ACVR1: variants seen among roughly 807,000 people sequenced by gnomAD.
The protein encoded by ACVR1 is activin receptor type-1.
Under a neutral mutation model 57.1 loss-of-function variants are expected in ACVR1, and 38 were observed. That is an observed-to-expected ratio of 0.67 (90% CI 0.51 to 0.87). The LOEUF (loss-of-function observed/expected upper bound fraction) is 0.87. Among genes scored for constraint, ACVR1 ranks in the 40% least tolerant of loss-of-function variants. The pLI is 0.00. For missense variants in ACVR1, 463 were observed against 638.2 expected, an observed-to-expected ratio of 0.73 and a Z score of 2.96; for synonymous variants, 212 against 228.1, an observed-to-expected ratio of 0.93 and a Z score of 0.63.
At chr2:157,738,600 T>C in intron 9 of ACVR1, 30 bp from the exon 10 acceptor site, 2 of 1,613,908 alleles carry the variant, frequency 1.2e-6, no homozygotes, top group East Asian at 2.2e-5. Flanking sequence ...TTGTGTTCGG[T>C]TAGCAAGAGA....
At position 157,737,401 on chromosome 2, in the gene ACVR1, G is replaced by T; in HGVS notation, c.*130C>A. The T allele has an allele frequency of 8.0e-7, 1 of 1,249,788 alleles. No individual in the cohort carries two copies. Among genetic ancestry groups the T allele is most frequent in the Non-Finnish European group, 1.1e-6 (1 of 881,960 alleles). The allele number at this position is 1,249,788 out of a possible 1,614,324, so 77.4% of individuals were successfully genotyped here. Reference sequence around the variant, plus strand: ...CAACACATGGCTGGGTACGACGTCTGCCTTGTCAAAGCAGCCATTTGGGGA... The same window carrying T: ...CAACACATGGCTGGGTACGACGTCTTCCTTGTCAAAGCAGCCATTTGGGGA... On this transcript the variant is annotated 3_prime_UTR_variant, in exon 11 of 11. Coordinates refer to ENST00000434821, the MANE Select transcript of ACVR1 (RefSeq NM_001111067.4).
chr2:157,828,291 A>G (rs1688460204), intron 1 of ACVR1, among the ~76,000 whole-genome samples: 1 of 152,058 alleles, frequency 6.6e-6, no homozygotes, highest in Admixed American at 6.6e-5. Context: ...CTACAAAAAT[A>G]CAAAAAAAAT....
chr2:157,832,331 T>TAC (rs1196990436), intron 1 of ACVR1, among the ~76,000 whole-genome samples: 1 of 152,138 alleles, frequency 6.6e-6, no homozygotes, highest in Non-Finnish European at 1.5e-5. Flanking sequence ...AAACAGCCTC[T>TAC]ACCAAAGGAC....
rs1686221603 is a variant in ACVR1 at position 157,774,911 on chromosome 2, T to C, written c.544-724A>G. 4.6e-5 allele frequency among the ~76,000 whole-genome samples: 7 copies of C among 152,138 alleles called. No homozygotes were observed. The South Asian group carries it at 1.4e-3, about 32-fold the overall frequency. On this transcript the variant is annotated intron_variant, in intron 5 of 10. Transcript: ENST00000434821. ...AAGGGTGGGGGGGGTCCTTTCAACT[T>C]CAAGAACTGGGTATAATTTACATAT... is the stretch of plus-strand genomic sequence containing the variant.
intron 1 of ACVR1, among the ~76,000 whole-genome samples, chr2:157,851,957 G>A (rs947039716): frequency 2.6e-4 from 33 of 126,096 alleles, no homozygotes; most frequent in African/African-American, 9.5e-4. Flanking sequence ...AGGCACTTCC[G>A]AAACATGTAA....
At chr2:157,782,533 T>C (rs1271150491) in intron 3 of ACVR1, among the ~76,000 whole-genome samples, 2 of 152,210 alleles carry the variant, frequency 1.3e-5, no homozygotes, top group Non-Finnish European at 2.9e-5. Flanking sequence ...GAAACATGTA[T>C]ATCTGTTGAC....
rs1044234975 is a variant in ACVR1 at position 157,810,692 on chromosome 2, T to C, written c.-8+7693A>G. ...AAACCACCCACATCCTTCCCATTTATAGGCAATCTCTCTTACATCATCATA... is the reference window on the plus strand; with the variant it reads ...AAACCACCCACATCCTTCCCATTTACAGGCAATCTCTCTTACATCATCATA... On this transcript the variant is annotated intron_variant, in intron 2 of 10. Transcript: ENST00000434821. Among the ~76,000 whole-genome samples the C allele has an allele frequency of 7.2e-5, 11 of 152,298 alleles. No individual in the cohort carries two copies. In the East Asian group the frequency reaches 2.1e-3, roughly 29 times the overall value.
At chr2:157,762,839 A>T (rs760166902) in intron 8 of ACVR1, among the ~76,000 whole-genome samples, 9 of 152,174 alleles carry the variant, frequency 5.9e-5, no homozygotes, top group Non-Finnish European at 8.8e-5. Flanking sequence ...AGGAGCTGAG[A>T]CCTGCCGCCA....
At position 157,780,416 on chromosome 2, in the gene ACVR1, C is replaced by T. The variant is rs201408818; in HGVS notation, c.252G>A (p.Pro84=). The T allele has an allele frequency of 1.4e-5, 22 of 1,614,020 alleles. No homozygotes were observed. The highest frequency in any genetic ancestry group is 6.7e-5 in the Admixed American group (4 of 60,002). Residue 84 remains proline, a synonymous_variant, in exon 4 of 11, where the codon CCG becomes CCA. Transcript: ENST00000434821. The stretch of plus-strand genomic sequence containing the variant: ...ACTCCACGGCTTGGCCAGGGGACGG[C>T]GGGGTCTTACAGGTCATCTTTCCCT... ...YEQGKMTCKT[P]PSPGQAVECC... is the part of the protein sequence containing the mutation.
At chr2:157,836,066 C>T (rs1340669704) in intron 1 of ACVR1, among the ~76,000 whole-genome samples, 1 of 152,180 alleles carries the variant, frequency 6.6e-6, no homozygotes, top group Admixed American at 6.5e-5. Flanking sequence ...ACAGTGACGA[C>T]CTGACATTTA....
chr2:157,743,347 C>G (rs1325102032), intron 9 of ACVR1, among the ~76,000 whole-genome samples: 2 of 152,100 alleles, frequency 1.3e-5, no homozygotes, highest in African/African-American at 4.8e-5. Flanking sequence ...TTCCTGTATA[C>G]CTCAACCACA....
intron 2 of ACVR1, among the ~76,000 whole-genome samples, chr2:157,812,244 C>A (rs1379986708): frequency 1.3e-5 from 2 of 152,138 alleles, no homozygotes; most frequent in African/African-American, 2.4e-5. Context: ...TGGATGCAAT[C>A]ACCAAAATCT....
At chr2:157,778,467 TA>T (rs1686380255) in intron 4 of ACVR1, 125 bp from the exon 5 acceptor site, 1 of 763,894 alleles carries the variant, frequency 1.3e-6, no homozygotes. Flanking sequence ...CACGAAGTAT[TA>T]AAACTAAAAC....
intron 2 of ACVR1, among the ~76,000 whole-genome samples, chr2:157,805,430 A>G (rs1199623662): frequency 1.3e-5 from 2 of 152,166 alleles, no homozygotes; most frequent in Non-Finnish European, 2.9e-5. Context: ...CATCCACGTG[A>G]AGACACTTTC....
chr2:157,828,267 G>A (rs1688458680), intron 1 of ACVR1, among the ~76,000 whole-genome samples: 2 of 151,976 alleles, frequency 1.3e-5, no homozygotes, highest in African/African-American at 4.8e-5. Flanking sequence ...GGCCAACATG[G>A]TGAAACCCCG....
At position 157,822,877 on chromosome 2, in the gene ACVR1, C is replaced by T. The variant is rs572770812; in HGVS notation, c.-182-4318G>A. Among the ~76,000 whole-genome samples the T allele has an allele frequency of 4.6e-5, 7 of 152,222 alleles. 1 individual carries two copies. The highest frequency in any genetic ancestry group is 1.7e-4 in the African/African-American group (7 of 41,522). On this transcript the variant is annotated intron_variant, in intron 1 of 10. Coordinates refer to ENST00000434821, the MANE Select transcript of ACVR1 (RefSeq NM_001111067.4). ...AGACTTTGTTGACCACTGCAATAACCTACATTCAGATCTACAAGCAAATTA... is the reference window on the plus strand; with the variant it reads ...AGACTTTGTTGACCACTGCAATAACTTACATTCAGATCTACAAGCAAATTA...
intron 10 of ACVR1, 26 bp downstream of exon 10, chr2:157,738,414 T>C: frequency 6.2e-7 from 1 of 1,613,964 alleles, no homozygotes; most frequent in Non-Finnish European, 8.5e-7. Context: ...AAAAGAGCTC[T>C]AAAACTGAGA....
At chr2:157,851,973 G>A (rs1030202320) in intron 1 of ACVR1, among the ~76,000 whole-genome samples, 5 of 141,750 alleles carry the variant, frequency 3.5e-5, no homozygotes, top group Non-Finnish European at 6.0e-5. Flanking sequence ...TGTAATACAT[G>A]GGAGCAATGT....
intron 1 of ACVR1, among the ~76,000 whole-genome samples, chr2:157,850,338 T>C (rs1419393632): frequency 6.6e-6 from 1 of 150,768 alleles, no homozygotes; most frequent in South Asian, 2.1e-4. Flanking sequence ...TGCAGTGAGC[T>C]GAGATCGTGC....
Sources: gnomAD v4.1 joint callset for allele counts (sites outside exome capture counted in the v4.1 genomes callset) on GRCh38, gnomAD v4.1.1 for gene constraint, MANE v1.5 for transcripts, NCBI Gene and HGNC (gene_info 2026-07-23, HGNC 2026-07-21) for gene names.